Variants in CUL3 observed in about 807,000 individuals in gnomAD.
The protein encoded by CUL3 is cullin-3.
In CUL3, 19 loss-of-function variants were observed where a neutral mutation model predicts 89.1. The observed-to-expected ratio is 0.21, with a 90% confidence interval of 0.15 to 0.31. The LOEUF (loss-of-function observed/expected upper bound fraction) is 0.31. Among genes scored for constraint, CUL3 ranks in the 10% least tolerant of loss-of-function variants. The pLI, the probability that CUL3 is intolerant of heterozygous loss-of-function variation, is 1.00. For synonymous variants in CUL3, 351 were observed against 308.4 expected, an observed-to-expected ratio of 1.14 and a Z score of -1.45; for missense variants, 469 against 942.3, an observed-to-expected ratio of 0.50 and a Z score of 6.58.
At chr2:224,546,307 T>TC (rs1380927307) in intron 2 of CUL3, among the ~76,000 whole-genome samples, 11 of 152,242 alleles carry the variant, frequency 7.2e-5, no homozygotes, top group African/African-American at 2.6e-4. Context: ...CACCATGGTT[T>TC]CTCAAGATAA....
intron 2 of CUL3, among the ~76,000 whole-genome samples, chr2:224,546,428 G>A (rs1013952156): frequency 9.2e-5 from 14 of 151,942 alleles, no homozygotes; most frequent in African/African-American, 3.4e-4. Context: ...TAATTAACTC[G>A]AGTAGGGAGA....
At chr2:224,536,738 C>T (rs1693914050) in intron 2 of CUL3, among the ~76,000 whole-genome samples, 2 of 152,154 alleles carry the variant, frequency 1.3e-5, no homozygotes, top group Non-Finnish European at 2.9e-5. Flanking sequence ...TTCCACAGTC[C>T]ACAAGCTTAG....
At chr2:224,479,983 G>A (rs541588620) in intron 14 of CUL3, 1 of 151,984 alleles carries the variant, frequency 6.6e-6, no homozygotes, top group South Asian at 2.1e-4. Context: ...GGGAGGGGAG[G>A]GGCTCACTCT....
chr2:224,550,432 T>C (rs1489113017), intron 2 of CUL3, among the ~76,000 whole-genome samples: 3 of 152,212 alleles, frequency 2.0e-5, no homozygotes, highest in Non-Finnish European at 2.9e-5. Context: ...TTCTGAATTT[T>C]TGGATTAGGG....
chr2:224,551,239 T>G (rs945801647), intron 2 of CUL3, among the ~76,000 whole-genome samples: 4 of 146,354 alleles, frequency 2.7e-5, no homozygotes, highest in African/African-American at 1.0e-4. Flanking sequence ...GGAGTCTCAC[T>G]CTGTCGCCCA....
chr2:224,525,680 CA>C (rs1693448601), intron 3 of CUL3, among the ~76,000 whole-genome samples: 1 of 152,054 alleles, frequency 6.6e-6, no homozygotes, highest in Non-Finnish European at 1.5e-5. Context: ...TGGCACGCAC[CA>C]AAGGTAAAAG....
chr2:224,579,176 T>C (rs1401892185), intron 1 of CUL3, among the ~76,000 whole-genome samples: 1 of 152,350 alleles, frequency 6.6e-6, no homozygotes, highest in East Asian at 1.9e-4. Flanking sequence ...TTCTAACTTC[T>C]AAAGTCATAG....
At chr2:224,479,567 C>T (rs541748994) in intron 14 of CUL3, 37 of 152,130 alleles carry the variant, frequency 2.4e-4, no homozygotes, top group African/African-American at 8.7e-4. Context: ...ACAACTGAGG[C>T]AATATGGGTG....
intron 14 of CUL3, among the ~76,000 whole-genome samples, chr2:224,480,716 T>C (rs1374373392): frequency 3.9e-5 from 6 of 152,166 alleles, no homozygotes; most frequent in Admixed American, 3.9e-4. Context: ...CCCACATATT[T>C]TCCTCTAATT....
chr2:224,520,522 C>T (rs1258875809), intron 3 of CUL3, among the ~76,000 whole-genome samples: 2 of 152,206 alleles, frequency 1.3e-5, no homozygotes, highest in Non-Finnish European at 2.9e-5. Context: ...GCTTTTAAGA[C>T]CAACTTCCCT....
At chr2:224,526,838 A>G (rs1693499973) in intron 3 of CUL3, among the ~76,000 whole-genome samples, 1 of 151,584 alleles carries the variant, frequency 6.6e-6, no homozygotes, top group African/African-American at 2.4e-5. Flanking sequence ...AAAAAAGTTT[A>G]CTGTTCTATT....
chr2:224,537,694 CA>C (rs986101176), intron 2 of CUL3, among the ~76,000 whole-genome samples: 2 of 151,416 alleles, frequency 1.3e-5, no homozygotes, highest in Admixed American at 6.6e-5. Context: ...ACGCTACATA[CA>C]AAAAAAATAC....
rs531147777 is a variant in CUL3 at position 224,505,467 on chromosome 2, G to A, written c.1206+489C>T. Among the ~76,000 whole-genome samples the A allele has an allele frequency of 5.8e-4, 89 of 152,162 alleles. 2 individuals are homozygous for A. Among genetic ancestry groups the A allele is most frequent in the African/African-American group, 2.0e-3 (83 of 41,530 alleles). On this transcript the variant is annotated intron_variant, in intron 8 of 15. Transcript: ENST00000264414. ...TTCAGTTTTTTTGAGACAAGGTCTT[G>A]CTCTGTCGCCCAGCATAGAGTGCAG...
chr2:224,526,214 C>T (rs1322904591), intron 3 of CUL3, among the ~76,000 whole-genome samples: 1 of 152,242 alleles, frequency 6.6e-6, no homozygotes, highest in Non-Finnish European at 1.5e-5. Context: ...ATTCTTCTCA[C>T]TACTCCAAAC....
chr2:224,555,855 T>G (rs1160589069), intron 2 of CUL3, among the ~76,000 whole-genome samples: 1 of 152,220 alleles, frequency 6.6e-6, no homozygotes, highest in Non-Finnish European at 1.5e-5. Context: ...TTATTGCCTA[T>G]GCAACTCACT....
intron 15 of CUL3, 89 bp from the exon 16 acceptor site, chr2:224,474,465 G>A: frequency 9.1e-7 from 1 of 1,097,172 alleles, no homozygotes; most frequent in East Asian, 2.6e-5. Context: ...AACACTCAGA[G>A]ACTGAACTTT....
intron 1 of CUL3, among the ~76,000 whole-genome samples, chr2:224,577,526 G>A (rs1022074324): frequency 6.6e-5 from 10 of 150,568 alleles, no homozygotes; most frequent in Admixed American, 2.0e-4. Flanking sequence ...CTGAGATCAC[G>A]CCACTGCACT....
Position 224,503,019 on chromosome 2 carries a change from C to A in CUL3, c.1431G>T (p.Met477Ile), listed in dbSNP as rs2106194593. Reference sequence around the variant, plus strand: ...CATCCATCGTTGTGTTTGAGATGCTCATATCCCTAAACATTCCTTCCAGTT... The same window carrying A: ...CATCCATCGTTGTGTTTGAGATGCTAATATCCCTAAACATTCCTTCCAGTT... ...TSKLEGMFRDMSISNTTMDEF... is the reference protein window; with the variant it reads ...TSKLEGMFRDISISNTTMDEF... The change falls in exon 10 of 16, where the codon ATG (methionine) becomes ATT (isoleucine). Residue 477 changes from methionine to isoleucine, a missense_variant. Physicochemically the swap from Met to Ile is conservative, Grantham distance 10. Around this residue, in one of 4 missense-constraint regions of CUL3, gnomAD observed 370 missense variants for 733.2 expected, o/e 0.50. Coordinates refer to ENST00000264414, the MANE Select transcript of CUL3 (RefSeq NM_003590.5). 1 of 1,614,038 alleles carries A rather than the reference C, an allele frequency of 6.2e-7. No homozygotes were observed. Among genetic ancestry groups the A allele is most frequent in the Non-Finnish European group, 8.5e-7 (1 of 1,179,920 alleles).
intron 6 of CUL3, among the ~76,000 whole-genome samples, chr2:224,509,890 C>T (rs1341070618): frequency 6.6e-6 from 1 of 152,204 alleles, no homozygotes; most frequent in East Asian, 1.9e-4. Flanking sequence ...GAAGGGTCAT[C>T]GAATTAGAAC....
Sources: allele counts gnomAD v4.1 joint callset (sites outside exome capture counted in the v4.1 genomes callset), GRCh38; gene constraint gnomAD v4.1.1; regional missense constraint gnomAD v4.1.1; transcripts MANE v1.5; gene names NCBI Gene and HGNC (gene_info 2026-07-23, HGNC 2026-07-21).